WWOX: variants seen among roughly 807,000 people sequenced by gnomAD.
WWOX encodes WW domain-containing oxidoreductase.
Under a neutral mutation model 46.2 loss-of-function variants are expected in WWOX, and 69 were observed. The ratio of observed to expected loss-of-function variants is 1.49; its 90% confidence interval spans 1.23 to 1.82. WWOX has a LOEUF of 1.82. Ranked by LOEUF, WWOX falls within the 40% of genes most tolerant of loss-of-function variation. The pLI, the probability that WWOX is intolerant of heterozygous loss-of-function variation, is 0.00. For missense variants in WWOX, 919 were observed against 542.6 expected, an observed-to-expected ratio of 1.69 and a Z score of -6.89; for synonymous variants, 359 against 202.6, an observed-to-expected ratio of 1.77 and a Z score of -6.56.
intron 8 of WWOX, among the ~76,000 whole-genome samples, chr16:78,529,897 A>G (rs1273344361): frequency 6.6e-6 from 1 of 152,220 alleles, no homozygotes; most frequent in Non-Finnish European, 1.5e-5. Context: ...TGCTAATCAT[A>G]AAGTTTTACA....
At chr16:78,166,286 T>G (rs2034968463) in intron 5 of WWOX, among the ~76,000 whole-genome samples, 1 of 152,180 alleles carries the variant, frequency 6.6e-6, no homozygotes, top group East Asian at 1.9e-4. Flanking sequence ...CAGTCTTCCC[T>G]TTGGTGGCCA....
intron 8 of WWOX, among the ~76,000 whole-genome samples, chr16:78,824,421 T>C (rs888151800): frequency 3.3e-5 from 5 of 152,168 alleles, no homozygotes; most frequent in Non-Finnish European, 7.3e-5. Flanking sequence ...CTAATCAATA[T>C]GTATTGCTCA....
At chr16:78,918,588 C>G (rs1016691216) in intron 8 of WWOX, among the ~76,000 whole-genome samples, 2 of 152,116 alleles carry the variant, frequency 1.3e-5, no homozygotes, top group East Asian at 3.9e-4. Flanking sequence ...ATGCTTGTTA[C>G]TATTTTGTGT....
At chr16:78,292,457 C>G (rs11150054) in intron 5 of WWOX, among the ~76,000 whole-genome samples, 6,520 of 152,114 alleles carry the variant, frequency 0.043, 255 homozygotes, top group African/African-American at 0.1. Flanking sequence ...AAAATGGTAA[C>G]AACACAGCAA....
chr16:78,178,907 G>A (rs72805000), intron 5 of WWOX, among the ~76,000 whole-genome samples: 5 of 151,884 alleles, frequency 3.3e-5, no homozygotes, highest in East Asian at 1.9e-4. Flanking sequence ...CTTTCTCTTC[G>A]GGATGGTTTA....
At chr16:79,057,107 T>A (rs1489601225) in intron 8 of WWOX, among the ~76,000 whole-genome samples, 1 of 152,234 alleles carries the variant, frequency 6.6e-6, no homozygotes, top group African/African-American at 2.4e-5. Flanking sequence ...TAATCTGTTA[T>A]GACTGCTTGG....
chr16:79,211,962 C>G lies in WWOX; in HGVS notation c.*166C>G. ...AAAAATCTTAAGTACCAATGGGAAG[C>G]AGGGAATTCCTGGGGTAAAGTATCA... On this transcript the variant is annotated 3_prime_UTR_variant, in exon 9 of 9. Coordinates refer to ENST00000566780, the MANE Select transcript of WWOX (RefSeq NM_016373.4). 3.9e-6 allele frequency: 6 copies of G among 1,535,670 alleles called. No homozygotes were observed. Among genetic ancestry groups the G allele is most frequent in the South Asian group, 3.6e-5 (3 of 84,074 alleles).
intron 4 of WWOX, among the ~76,000 whole-genome samples, chr16:78,122,833 G>T (rs965108077): frequency 6.6e-5 from 10 of 152,088 alleles, no homozygotes; most frequent in Non-Finnish European, 1.2e-4. Context: ...TTGAACTCCT[G>T]AACTCAAGTG....
At chr16:79,206,367 G>T (rs954260259) in intron 8 of WWOX, 2 of 152,214 alleles carry the variant, frequency 1.3e-5, no homozygotes, top group South Asian at 2.1e-4. Context: ...AACGGACACG[G>T]AGTCTGAAGT....
chr16:78,504,147 A>G (rs1355265106), intron 8 of WWOX, among the ~76,000 whole-genome samples: 1 of 152,226 alleles, frequency 6.6e-6, no homozygotes, highest in African/African-American at 2.4e-5. Context: ...AAACTACAAA[A>G]CTAGGCATGG....
At chr16:78,987,387 A>G (rs2046802970) in intron 8 of WWOX, among the ~76,000 whole-genome samples, 1 of 152,180 alleles carries the variant, frequency 6.6e-6, no homozygotes, top group Admixed American at 6.5e-5. Context: ...TTCCTAGCAA[A>G]GGCAGGATTT....
chr16:79,032,308 T>A (rs1254069905), intron 8 of WWOX, among the ~76,000 whole-genome samples: 1 of 146,332 alleles, frequency 6.8e-6, no homozygotes, highest in African/African-American at 2.5e-5. Context: ...ATGTAGACTC[T>A]AATATGTAGT....
chr16:79,174,594 G>T (rs1318444015), intron 8 of WWOX, among the ~76,000 whole-genome samples: 1 of 152,218 alleles, frequency 6.6e-6, no homozygotes, highest in Non-Finnish European at 1.5e-5. Flanking sequence ...GTTTCAGTGA[G>T]CCGAGATCGC....
chr16:78,374,602 G>GC (rs914809986), intron 5 of WWOX, among the ~76,000 whole-genome samples: 16 of 133,138 alleles, frequency 1.2e-4, no homozygotes, highest in Non-Finnish European at 2.5e-4. Flanking sequence ...AGGCTGGAGT[G>GC]CAGTGGCGCG....
At chr16:79,182,450 T>A (rs28421139) in intron 8 of WWOX, among the ~76,000 whole-genome samples, 4,316 of 152,254 alleles carry the variant, frequency 0.028, 204 homozygotes, top group African/African-American at 0.096. Context: ...CCATCTTTGT[T>A]TATGGGCTTT....
At chr16:79,052,834 C>T (rs2656652) in intron 8 of WWOX, among the ~76,000 whole-genome samples, 80,906 of 151,936 alleles carry the variant, frequency 0.53, 21,781 homozygotes, top group African/African-American at 0.57. Flanking sequence ...GAGGAGCAAG[C>T]ATTTCTAACA....
chr16:78,702,768 C>T (rs1322908315), intron 8 of WWOX, among the ~76,000 whole-genome samples: 1 of 152,088 alleles, frequency 6.6e-6, no homozygotes, highest in Admixed American at 6.5e-5. Flanking sequence ...GCAGATTTGT[C>T]TGCACACCTC....
intron 8 of WWOX, among the ~76,000 whole-genome samples, chr16:78,563,004 C>G (rs1254446053): frequency 6.6e-6 from 1 of 151,330 alleles, no homozygotes; most frequent in South Asian, 2.1e-4. Context: ...TTTTTAATCC[C>G]TCCCCCTATC....
At chr16:78,495,968 T>G (rs1019544197) in intron 8 of WWOX, 7 of 152,216 alleles carry the variant, frequency 4.6e-5, no homozygotes, top group African/African-American at 1.7e-4. Context: ...AGGAACATCT[T>G]TAAACGGATA....
Sources: gnomAD v4.1 joint callset for allele counts (sites outside exome capture counted in the v4.1 genomes callset) on GRCh38, gnomAD v4.1.1 for gene constraint, MANE v1.5 for transcripts, NCBI Gene and HGNC (gene_info 2026-07-23, HGNC 2026-07-21) for gene names.